Variants in TBC1D8B observed in about 807,000 individuals in gnomAD.
The protein encoded by TBC1D8B is TBC1 domain family member 8B.
TBC1D8B carries 75 observed loss-of-function variants against 82.9 expected under a neutral mutation model. That is an observed-to-expected ratio of 0.90 (90% CI 0.75 to 1.10). TBC1D8B has a LOEUF of 1.10. Ranked by LOEUF, TBC1D8B falls within the 50% of genes least tolerant of loss-of-function variation. The probability of loss-of-function intolerance (pLI) is 0.00; values close to 1 mark genes in which losing one functional copy is unlikely to be tolerated. For synonymous variants in TBC1D8B, 276 were observed against 276.8 expected, an observed-to-expected ratio of 1.00 and a Z score of 0.03; for missense variants, 794 against 796.9, an observed-to-expected ratio of 1.00 and a Z score of 0.04.
intron 12 of TBC1D8B, 100 bp downstream of exon 12, chrX:106,850,410 G>A (rs753663567): frequency 1.0e-5 from 9 of 891,626 alleles, no homozygotes; most frequent in Non-Finnish European, 1.3e-5. Context: ...AGAAATTTCA[G>A]TTTGTCCGAG....
intron 14 of TBC1D8B, among the ~76,000 whole-genome samples, chrX:106,865,238 T>C (rs916790074): frequency 8.9e-6 from 1 of 111,802 alleles, no homozygotes; most frequent in Non-Finnish European, 1.9e-5. Flanking sequence ...GAGGAATATA[T>C]GGAATAGGAC....
At chrX:106,812,110 T>G (rs1931397689) in intron 1 of TBC1D8B, among the ~76,000 whole-genome samples, 1 of 108,512 alleles carries the variant, frequency 9.2e-6, no homozygotes, top group African/African-American at 3.6e-5. Flanking sequence ...GCTCTTAATA[T>G]AAAGTTGGCA....
chrX:106,826,911 T>C (rs1000480802), intron 6 of TBC1D8B, among the ~76,000 whole-genome samples: 1 of 111,322 alleles, frequency 9.0e-6, no homozygotes, highest in African/African-American at 3.3e-5. Context: ...AAATAAATTG[T>C]TGGTATTTGA....
intron 10 of TBC1D8B, among the ~76,000 whole-genome samples, chrX:106,847,238 T>C (rs1932477120): frequency 8.9e-6 from 1 of 111,741 alleles, no homozygotes; most frequent in African/African-American, 3.2e-5. Context: ...TAATTTATAT[T>C]AGATCCACCT....
chrX:106,844,357 T>G (rs1245964559), intron 10 of TBC1D8B, among the ~76,000 whole-genome samples: 1 of 109,222 alleles, frequency 9.2e-6, no homozygotes, highest in Non-Finnish European at 1.9e-5. Flanking sequence ...TAGATCATCT[T>G]TATCAGGTTG....
intron 14 of TBC1D8B, among the ~76,000 whole-genome samples, chrX:106,863,412 C>G (rs1322797146): frequency 9.0e-6 from 1 of 111,116 alleles, no homozygotes; most frequent in Non-Finnish European, 1.9e-5. Flanking sequence ...GTTGGGTGCT[C>G]TGGTCCACAG....
intron 1 of TBC1D8B, among the ~76,000 whole-genome samples, chrX:106,816,683 C>T (rs76047242): frequency 0.025 from 2,751 of 111,042 alleles, 32 homozygotes; most frequent in South Asian, 0.035. Context: ...GCACATACTG[C>T]CATTGCCAAA....
chrX:106,827,063 T>A, intron 6 of TBC1D8B, 107 bp from the exon 7 acceptor site: 2 of 909,837 alleles, frequency 2.2e-6, no homozygotes, highest in Non-Finnish European at 3.1e-6. Context: ...TAAGTCATAC[T>A]ATAGACCAAA....
At chrX:106,851,257 G>A (rs1427795762) in intron 12 of TBC1D8B, among the ~76,000 whole-genome samples, 1 of 111,953 alleles carries the variant, frequency 8.9e-6, no homozygotes, top group African/African-American at 3.3e-5. Flanking sequence ...AGGCGTGGTG[G>A]TGAACACCTG....
intron 1 of TBC1D8B, among the ~76,000 whole-genome samples, chrX:106,816,014 C>T (rs936284041): frequency 1.3e-4 from 14 of 111,158 alleles, no homozygotes; most frequent in African/African-American, 3.9e-4. Flanking sequence ...ACAGGGATGC[C>T]CTCTCTCACC....
intron 7 of TBC1D8B, among the ~76,000 whole-genome samples, chrX:106,833,700 C>T: frequency 9.0e-6 from 1 of 111,525 alleles, no homozygotes; most frequent in East Asian, 2.8e-4. Context: ...ATAGAACTGA[C>T]ATACTTGTCA....
At chrX:106,809,929 G>A (rs966309658) in intron 1 of TBC1D8B, among the ~76,000 whole-genome samples, 1 of 109,317 alleles carries the variant, frequency 9.1e-6, no homozygotes, top group Non-Finnish European at 1.9e-5. Context: ...CAACCCTTAC[G>A]GAGTTTATCA....
chrX:106,815,947 C>T, intron 1 of TBC1D8B, among the ~76,000 whole-genome samples: 1 of 111,398 alleles, frequency 9.0e-6, no homozygotes, highest in Non-Finnish European at 1.9e-5. Context: ...AACCCACAGC[C>T]AATATCATAC....
At chrX:106,827,369 G>GA (rs199972427) in intron 7 of TBC1D8B, 32 bp downstream of exon 7, 5 of 1,193,496 alleles carry the variant, frequency 4.2e-6, no homozygotes, top group Admixed American at 2.2e-5. Context: ...AAATCATTTG[G>GA]AAAAAAAGGT....
At chrX:106,819,044 A>T (rs1391627381) in intron 2 of TBC1D8B, among the ~76,000 whole-genome samples, 1 of 108,580 alleles carries the variant, frequency 9.2e-6, no homozygotes, top group African/African-American at 3.3e-5. Flanking sequence ...ACTGCTATAT[A>T]ACTCCTTTCT....
chrX:106,838,343 T>C (rs1436958084), intron 7 of TBC1D8B, among the ~76,000 whole-genome samples: 1 of 111,526 alleles, frequency 9.0e-6, no homozygotes, highest in Admixed American at 9.5e-5. Flanking sequence ...AATTTAGTGG[T>C]TATTCAGTGA....
intron 1 of TBC1D8B, among the ~76,000 whole-genome samples, chrX:106,817,821 T>C (rs1039372777): frequency 2.7e-5 from 3 of 111,295 alleles, no homozygotes; most frequent in Admixed American, 9.6e-5. Context: ...TTCAGATTAG[T>C]TGGACTGGAC....
chrX:106,854,251 G>C lies in TBC1D8B; in HGVS notation c.2307G>C (p.Arg769Ser). The stretch of plus-strand genomic sequence containing the variant: ...TACATAGTATGCGCTGTCGAAATAG[G>C]TTGTATGTGATACAGACCCTAGAGG... ...EDIHSMRCRN[R>S]LYVIQTLEET... is the part of the protein sequence containing the mutation. Residue 769 changes from arginine to serine, a missense_variant, in exon 14 of 21, where the codon AGG (arginine) becomes AGC (serine). Coordinates refer to ENST00000357242, the MANE Select transcript of TBC1D8B (RefSeq NM_017752.3). The C allele has an allele frequency of 5.8e-6, 7 of 1,197,289 alleles. No homozygotes were observed. Among genetic ancestry groups the C allele is most frequent in the Non-Finnish European group, 7.9e-6 (7 of 889,543 alleles).
chrX:106,818,375 A>C (rs909413431), intron 1 of TBC1D8B: 7 of 196,451 alleles, frequency 3.6e-5, no homozygotes, highest in African/African-American at 2.1e-4. Context: ...ATATACATAC[A>C]ACCTTATGAA....
Sources: gnomAD v4.1 joint callset for allele counts (sites outside exome capture counted in the v4.1 genomes callset) on GRCh38, gnomAD v4.1.1 for gene constraint, MANE v1.5 for transcripts, NCBI Gene and HGNC (gene_info 2026-07-23, HGNC 2026-07-21) for gene names.